Variants in MLLT6 observed in about 807,000 individuals in gnomAD.
MLLT6 encodes the protein protein AF-17.
A neutral mutation model predicts 103.0 loss-of-function variants in MLLT6; 22 were observed. The ratio of observed to expected loss-of-function variants is 0.21; its 90% CI spans 0.15 to 0.31. The LOEUF (loss-of-function observed/expected upper bound fraction) is 0.31. Among genes scored for constraint, MLLT6 ranks in the 10% least tolerant of loss-of-function variants. MLLT6 has a pLI of 1.00. For synonymous variants in MLLT6, 606 were observed against 623.5 expected, an observed-to-expected ratio of 0.97 and a Z score of 0.42; for missense variants, 1,199 against 1,441.7, an observed-to-expected ratio of 0.83 and a Z score of 2.73.
At chr17:38,715,900 CTT>C in intron 9 of MLLT6, 72 bp downstream of exon 9, 1 of 1,323,650 alleles carries the variant, frequency 7.6e-7, no homozygotes, top group Non-Finnish European at 1.0e-6. Context: ...TGGCAAGGGA[CTT>C]TGCATATTGG....
chr17:38,716,725 G>T lies in MLLT6; in HGVS notation c.1395G>T (p.Glu465Asp). The stretch of plus-strand genomic sequence containing the variant: ...AGACCCCTGAGACAGGCCTGAAGGA[G>T]AAGAAGCACAAAGCCAGCAAGAGGA... ...ADETPETGLK[E>D]KKHKASKRSR... The change falls in exon 10 of 20, where the codon GAG (glutamate) becomes GAT (aspartate). Residue 465 changes from glutamate to aspartate, a missense_variant. By Grantham distance (45) the Glu-to-Asp change is conservative. Coordinates refer to ENST00000621332, the MANE Select transcript of MLLT6 (RefSeq NM_005937.4). This position sits in a 1 kb window ranked among gnomAD's most constrained non-coding sequence, Gnocchi z 5.6. 6.2e-7 allele frequency: 1 copy of T among 1,610,350 alleles called. No homozygotes were observed. Among genetic ancestry groups the T allele is most frequent in the Non-Finnish European group, 8.5e-7 (1 of 1,178,532 alleles).
chr17:38,718,688 C>G (rs1259404578), intron 12 of MLLT6: 1 of 152,210 alleles, frequency 6.6e-6, no homozygotes, highest in Non-Finnish European at 1.5e-5. Context: ...CCCTTGGCTT[C>G]GTAGTGTGTC....
Position 38,726,341 on chromosome 17 carries a change from G to A in MLLT6, c.*743G>A, listed in dbSNP as rs553415212. ...CGAGGGTGGGGAGATGGAGCTGCCC[G>A]TCTCAGTGTGTGAGTGTGTGTGTGC... On this transcript the variant is annotated 3_prime_UTR_variant, in exon 20 of 20. Coordinates refer to ENST00000621332, the MANE Select transcript of MLLT6 (RefSeq NM_005937.4). The A allele has an allele frequency of 1.2e-4, 29 of 234,382 alleles. No homozygotes were observed. Among genetic ancestry groups the A allele is most frequent in the African/African-American group, 5.5e-4 (25 of 45,312 alleles). 14.5% of individuals were successfully genotyped at this position (234,382 alleles called of 1,614,324 possible).
rs1905653729 is a variant in MLLT6 at position 38,720,390 on chromosome 17, C to T, written c.2174C>T (p.Ala725Val). ...AGVNIVEMLK[A>V]LHALQKENQR... Reference sequence around the variant, plus strand: ...TCCGCAGTCGTGGAGATGCTGAAGGCGCTGCACGCGCTGCAGAAGGAGAAC... The same window carrying T: ...TCCGCAGTCGTGGAGATGCTGAAGGTGCTGCACGCGCTGCAGAAGGAGAAC... The change falls in exon 15 of 20, where the codon GCG becomes GTG. Residue 725 changes from alanine to valine, a missense_variant. Coordinates refer to ENST00000621332, the MANE Select transcript of MLLT6 (RefSeq NM_005937.4). 15 of 1,472,046 alleles carry T rather than the reference C, an allele frequency of 1.0e-5. No individual in the cohort carries two copies. The highest frequency in any genetic ancestry group is 1.4e-5 in the Non-Finnish European group (15 of 1,094,292). The allele number at this position is 1,472,046 out of a possible 1,614,324, so 91.2% of individuals were successfully genotyped here. A position where few individuals can be genotyped will look rare whatever the true frequency, so the allele number is the denominator to read the frequency against.
intron 3 of MLLT6, 110 bp from the exon 4 acceptor site, chr17:38,707,653 G>A (rs966397491): frequency 5.4e-6 from 7 of 1,285,314 alleles, no homozygotes; most frequent in Middle Eastern, 1.9e-4. Flanking sequence ...GCTGGCGCTG[G>A]AATCTGATGG....
chr17:38,712,145 A>T, intron 7 of MLLT6, 131 bp downstream of exon 7: 1 of 1,362,126 alleles, frequency 7.3e-7, no homozygotes. Context: ...GAGGCCACTG[A>T]GGGCAGGAGG....
rs923874042 is a variant in MLLT6 at position 38,729,509 on chromosome 17, C to T, written c.*3911C>T. On this transcript the variant is annotated 3_prime_UTR_variant, in exon 20 of 20. Transcript: ENST00000621332. The stretch of plus-strand genomic sequence containing the variant: ...GGACTGGAGACCTCACCCCTGCTCC[C>T]GTCCCGCCCCCTTTCTATCCCAACC... 3.4e-5 allele frequency: 8 copies of T among 233,532 alleles called. No individual in the cohort carries two copies. The highest frequency in any genetic ancestry group is 1.5e-4 in the African/African-American group (7 of 45,442). 14.5% of individuals were successfully genotyped at this position (233,532 alleles called of 1,614,324 possible). A position where few individuals can be genotyped will look rare whatever the true frequency, so the allele number is the denominator to read the frequency against.
Position 38,729,423 on chromosome 17 carries a change from G to T in MLLT6, c.*3825G>T. On this transcript the variant is annotated 3_prime_UTR_variant, in exon 20 of 20. Transcript: ENST00000621332. ...TTGACCTACTGAAAAGTTGGGAACTGAGGGGTGCCTTCATTCCCCTTTGTT... is the reference window on the plus strand; with the variant it reads ...TTGACCTACTGAAAAGTTGGGAACTTAGGGGTGCCTTCATTCCCCTTTGTT... The T allele has an allele frequency of 4.3e-6, 1 of 233,626 alleles. No homozygotes were observed. The allele number at this position is 233,626 out of a possible 1,614,324, so 14.5% of individuals were successfully genotyped here.
At chr17:38,717,974 C>T (rs1475975928) in intron 12 of MLLT6, 21 bp downstream of exon 12, 4 of 1,520,066 alleles carry the variant, frequency 2.6e-6, no homozygotes, top group Middle Eastern at 1.7e-4. Flanking sequence ...ATCTGATCCC[C>T]TCTCCCCTTT....
Position 38,716,475 on chromosome 17 carries a change from C to T in MLLT6, c.1145C>T (p.Ser382Phe). The change falls in exon 10 of 20, where the codon TCT becomes TTT. Residue 382 changes from serine (S) to phenylalanine (F), a missense_variant. Around this residue, in one of 7 missense-constraint regions of MLLT6, gnomAD observed 1,034 missense variants for 1,091.5 expected, o/e 0.95. Transcript: ENST00000621332. The surrounding 1 kb of genome is among the most constrained non-coding windows in gnomAD (Gnocchi z 5.6). Reference protein sequence around the residue: ...PTAPAPSAPPSPSAPEPPKAD... With the variant: ...PTAPAPSAPPFPSAPEPPKAD... ...GCCCCCGCCCCTTCAGCCCCTCCTT[C>T]TCCCTCAGCTCCCGAGCCCCCCAAG... The T allele has an allele frequency of 6.2e-7, 1 of 1,614,154 alleles. No homozygotes were observed.
chr17:38,706,862 C>G, intron 1 of MLLT6, 88 bp from the exon 2 acceptor site: 2 of 1,135,792 alleles, frequency 1.8e-6, no homozygotes, highest in South Asian at 1.4e-5. Flanking sequence ...TGGCTCTAGT[C>G]CTTTGGAGTC....
At position 38,709,085 on chromosome 17, in the gene MLLT6, G is replaced by T; in HGVS notation, c.355-88G>T. The stretch of plus-strand genomic sequence containing the variant: ...GATAGCACTGATCTAAGACTGTAGA[G>T]AGCAAATGGAATGGAGGGGGTGGCC... On this transcript the variant is annotated intron_variant, in intron 4 of 19. Transcript: ENST00000621332. This position sits in a 1 kb window ranked among gnomAD's most constrained non-coding sequence, Gnocchi z 4.3. The T allele has an allele frequency of 1.1e-6, 1 of 944,574 alleles. No homozygotes were observed. The allele number at this position is 944,574 out of a possible 1,614,324, so 58.5% of individuals were successfully genotyped here. A position where few individuals can be genotyped will look rare whatever the true frequency, so the allele number is the denominator to read the frequency against.
Position 38,707,466 on chromosome 17 carries a change from G to A in MLLT6, c.190-20G>A. 1.2e-6 allele frequency: 2 copies of A among 1,613,862 alleles called. No homozygotes were observed. The highest frequency in any genetic ancestry group is 8.5e-7 in the Non-Finnish European group (1 of 1,179,860). On this transcript the variant is annotated intron_variant, in intron 2 of 19. Coordinates refer to ENST00000621332, the MANE Select transcript of MLLT6 (RefSeq NM_005937.4). ...CAGCTCAGCAGATCCCCCAACCCCT[G>A]TGCACTCTTGCATTGGCAGAGGTGT...
Position 38,724,475 on chromosome 17 carries a change from G to T in MLLT6, c.2884-145G>T, listed in dbSNP as rs947353717. On this transcript the variant is annotated intron_variant, in intron 18 of 19. Transcript: ENST00000621332. This position sits in a 1 kb window ranked among gnomAD's most constrained non-coding sequence, Gnocchi z 5.4. ...GGGAGACCCAGGCTAAGTGGGAAAT[G>T]CGAGACAGTACCTTGACTGTCTCAC... is the stretch of plus-strand genomic sequence containing the variant. 12 of 607,368 alleles carry T rather than the reference G, an allele frequency of 2.0e-5. No homozygotes were observed. Among genetic ancestry groups the T allele is most frequent in the Non-Finnish European group, 3.1e-5 (11 of 351,506 alleles). 37.6% of individuals were successfully genotyped at this position (607,368 alleles called of 1,614,324 possible).
At chr17:38,712,559 C>T (rs967847649) in intron 7 of MLLT6, 132 bp from the exon 8 acceptor site, 2 of 651,516 alleles carry the variant, frequency 3.1e-6, no homozygotes, top group African/African-American at 3.6e-5. Flanking sequence ...ATTATCCAGC[C>T]CTCCTCAGGG....
rs960764907 is a variant in MLLT6 at position 38,716,325 on chromosome 17, G to A, written c.1037-42G>A. ...CACGCGGGAGTGGGAGGGAGTGCGG[G>A]GATCTGGGGTCCAGCTGTAACTGTT... On this transcript the variant is annotated intron_variant, in intron 9 of 19. Coordinates refer to ENST00000621332, the MANE Select transcript of MLLT6 (RefSeq NM_005937.4). This position sits in a 1 kb window ranked among gnomAD's most constrained non-coding sequence, Gnocchi z 5.6. 2 of 1,577,524 alleles carry A rather than the reference G, an allele frequency of 1.3e-6. No individual in the cohort carries two copies. The highest frequency in any genetic ancestry group is 1.7e-6 in the Non-Finnish European group (2 of 1,165,678).
At chr17:38,713,388 A>C (rs1054559011) in intron 8 of MLLT6, 3 of 309,112 alleles carry the variant, frequency 9.7e-6, no homozygotes, top group Non-Finnish European at 1.8e-5. Flanking sequence ...GGAATTGCTA[A>C]TCCAAGCTGG....
At chr17:38,721,356 C>T (rs1422314969) in intron 16 of MLLT6, among the ~76,000 whole-genome samples, 1 of 152,174 alleles carries the variant, frequency 6.6e-6, no homozygotes, top group Non-Finnish European at 1.5e-5. Context: ...TTAAAGCATT[C>T]ATTTAGTCTT....
At position 38,712,855 on chromosome 17, in the gene MLLT6, G is replaced by C. The variant is rs1597992706; in HGVS notation, c.819+66G>C. On this transcript the variant is annotated intron_variant, in intron 8 of 19. Transcript: ENST00000621332. ...GGGGTGGCAGAGGGAGGGAGGCGGGGGCGAGAGGTTGGTGAGTCAGGGACC... is the reference window on the plus strand; with the variant it reads ...GGGGTGGCAGAGGGAGGGAGGCGGGCGCGAGAGGTTGGTGAGTCAGGGACC... The C allele has an allele frequency of 6.4e-6, 8 of 1,246,080 alleles. No homozygotes were observed. The East Asian group carries it at 1.9e-4, about 29-fold the overall frequency. The allele number at this position is 1,246,080 out of a possible 1,614,324, so 77.2% of individuals were successfully genotyped here.
Sources: allele counts gnomAD v4.1 joint callset (sites outside exome capture counted in the v4.1 genomes callset), GRCh38; gene constraint gnomAD v4.1.1; regional missense constraint gnomAD v4.1.1; non-coding constraint Gnocchi (gnomAD v3.1); transcripts MANE v1.5; gene names NCBI Gene and HGNC (gene_info 2026-07-23, HGNC 2026-07-21).